Variants in RALYL observed in about 807,000 individuals in gnomAD.
RALYL encodes RALY RNA binding protein like.
Under a neutral mutation model 35.1 loss-of-function variants are expected in RALYL, and 29 were observed. That is an observed-to-expected ratio of 0.83 (90% confidence interval 0.61 to 1.13). The LOEUF (loss-of-function observed/expected upper bound fraction) is 1.13. Among genes scored for constraint, RALYL ranks in the 50% most tolerant of loss-of-function variants. The pLI, the probability that RALYL is intolerant of heterozygous loss-of-function variation, is 0.00. For missense variants in RALYL, 359 were observed against 360.4 expected (o/e 1.00, Z 0.03); for synonymous variants, 120 against 127.6 (o/e 0.94, Z 0.40).
chr8:84,849,790 C>T (rs1327823512), intron 4 of RALYL, among the ~76,000 whole-genome samples, 190 bp from the exon 5 acceptor site: 6 of 152,108 alleles, frequency 3.9e-5, no homozygotes, highest in African/African-American at 1.4e-4. Flanking sequence ...CATTGTCAAA[C>T]ATGTAATAAT....
At chr8:84,396,218 A>G (rs760437504) in intron 1 of RALYL, among the ~76,000 whole-genome samples, 1 of 152,000 alleles carries the variant, frequency 6.6e-6, no homozygotes, top group Non-Finnish European at 1.5e-5. Flanking sequence ...AATAAGAATA[A>G]TATCTATGGT....
chr8:84,604,142 G>A (rs1816603468), intron 2 of RALYL, among the ~76,000 whole-genome samples: 2 of 152,084 alleles, frequency 1.3e-5, no homozygotes, highest in African/African-American at 2.4e-5. Context: ...AATTGAGTGC[G>A]CTTCTGACAG....
At chr8:84,608,285 G>C (rs1243489342) in intron 2 of RALYL, among the ~76,000 whole-genome samples, 1 of 152,118 alleles carries the variant, frequency 6.6e-6, no homozygotes, top group African/African-American at 2.4e-5. Flanking sequence ...CTTGTGGACA[G>C]AACTTGGACG....
At chr8:84,898,888 G>A (rs1469207009) in intron 8 of RALYL, among the ~76,000 whole-genome samples, 2 of 152,152 alleles carry the variant, frequency 1.3e-5, no homozygotes, top group African/African-American at 4.8e-5. Flanking sequence ...CCTCTGTTAG[G>A]ACACTTCCTT....
chr8:84,349,343 T>C (rs1850428847), intron 1 of RALYL, among the ~76,000 whole-genome samples: 1 of 150,552 alleles, frequency 6.6e-6, no homozygotes, highest in African/African-American at 2.5e-5. Flanking sequence ...TTGTGAATTT[T>C]CATGAGTACT....
intron 5 of RALYL, among the ~76,000 whole-genome samples, chr8:84,856,853 C>T (rs2134953106): frequency 6.6e-6 from 1 of 151,088 alleles, no homozygotes; most frequent in East Asian, 1.9e-4. Flanking sequence ...AAGGTGAAAC[C>T]CCGTCTCTAC....
intron 8 of RALYL, among the ~76,000 whole-genome samples, chr8:84,892,541 C>T (rs1165682405): frequency 1.3e-5 from 2 of 149,734 alleles, no homozygotes; most frequent in Admixed American, 6.7e-5. Flanking sequence ...ACCCAAGAGA[C>T]GGGGGTTGTT....
chr8:84,845,882 T>C (rs1182517672), intron 4 of RALYL, among the ~76,000 whole-genome samples: 5 of 152,338 alleles, frequency 3.3e-5, no homozygotes, highest in Non-Finnish European at 7.4e-5. Flanking sequence ...ATGATGGCAC[T>C]ATTGACTAGG....
chr8:84,324,289 TTTCCTTCC>T (rs549388810), intron 1 of RALYL, among the ~76,000 whole-genome samples: 1 of 151,956 alleles, frequency 6.6e-6, no homozygotes, highest in Non-Finnish European at 1.5e-5. Context: ...ATTTCTTTTT[TTTCCTTCC>T]TTCCTTCCTT....
chr8:84,487,515 A>C (rs186466353), intron 1 of RALYL, among the ~76,000 whole-genome samples: 1 of 152,222 alleles, frequency 6.6e-6, no homozygotes, highest in Admixed American at 6.5e-5. Flanking sequence ...TTAAAGTATT[A>C]GATTTGTTGC....
chr8:84,671,792 G>T (rs528833209), intron 2 of RALYL, among the ~76,000 whole-genome samples: 1 of 152,312 alleles, frequency 6.6e-6, no homozygotes, highest in South Asian at 2.1e-4. Flanking sequence ...GCCTGTGATG[G>T]GAGGGGCTGC....
chr8:84,403,564 C>T (rs1402328794), intron 1 of RALYL, among the ~76,000 whole-genome samples: 3 of 113,790 alleles, frequency 2.6e-5, no homozygotes, highest in African/African-American at 9.8e-5. Context: ...TAACCAGTAC[C>T]ATGCTGTTTT....
intron 2 of RALYL, among the ~76,000 whole-genome samples, chr8:84,745,819 G>A (rs913925639): frequency 1.3e-5 from 2 of 151,704 alleles, no homozygotes; most frequent in Admixed American, 6.6e-5. Flanking sequence ...ATATCCCTTG[G>A]GCCTAAAAGT....
intron 3 of RALYL, among the ~76,000 whole-genome samples, chr8:84,804,566 T>C (rs958615208): frequency 5.3e-5 from 8 of 152,310 alleles, no homozygotes; most frequent in Admixed American, 2.6e-4. Flanking sequence ...AGACTCTCAT[T>C]TTATTTAGCT....
chr8:84,288,854 G>A (rs1585971017), intron 1 of RALYL, among the ~76,000 whole-genome samples: 1 of 152,168 alleles, frequency 6.6e-6, no homozygotes, highest in East Asian at 1.9e-4. Context: ...ATGCATTAAT[G>A]AATACAATAA....
intron 2 of RALYL, among the ~76,000 whole-genome samples, chr8:84,717,975 T>A (rs1229113502): frequency 1.3e-5 from 2 of 152,220 alleles, no homozygotes; most frequent in Non-Finnish European, 2.9e-5. Context: ...TTTATGAAGC[T>A]ATTTATGGCT....
intron 2 of RALYL, among the ~76,000 whole-genome samples, chr8:84,709,352 G>C (rs1370919189): frequency 6.6e-6 from 1 of 151,792 alleles, no homozygotes; most frequent in Non-Finnish European, 1.5e-5. Flanking sequence ...GTTACTACAA[G>C]GTTACTACAT....
intron 6 of RALYL, 119 bp from the exon 7 acceptor site, chr8:84,873,165 A>G: frequency 1.9e-6 from 1 of 513,928 alleles, no homozygotes; most frequent in African/African-American, 2.0e-5. Flanking sequence ...AAAATTGAAA[A>G]ATGTCCTATG....
intron 8 of RALYL, among the ~76,000 whole-genome samples, chr8:84,895,138 G>T (rs189771067): frequency 2.0e-5 from 3 of 152,014 alleles, no homozygotes; most frequent in African/African-American, 4.8e-5. Context: ...TTTGATTTTC[G>T]TATTTTAGCA....
Sources: gnomAD v4.1 joint callset for allele counts (sites outside exome capture counted in the v4.1 genomes callset) on GRCh38, gnomAD v4.1.1 for gene constraint, MANE v1.5 for transcripts, NCBI Gene and HGNC (gene_info 2026-07-23, HGNC 2026-07-21) for gene names.